CCDC30: variants seen among roughly 807,000 people sequenced by gnomAD.
The protein encoded by CCDC30 is coiled-coil domain containing 30, also known as coiled-coil domain-containing protein 30.
A neutral mutation model predicts 100.2 loss-of-function variants in CCDC30; 70 were observed. That is an observed-to-expected ratio of 0.70 (90% confidence interval 0.58 to 0.85). CCDC30 has a LOEUF of 0.85. CCDC30 is among the 40% of genes least tolerant of loss of function. The pLI, the probability that CCDC30 is intolerant of heterozygous loss-of-function variation, is 0.00. For missense variants in CCDC30, 652 were observed against 771.2 expected (o/e 0.85, Z 1.83); for synonymous variants, 233 against 269.5 (o/e 0.86, Z 1.33).
chr1:42,568,042 TCCTTTG>T (rs1476713554), intron 7 of CCDC30, among the ~76,000 whole-genome samples: 1 of 152,178 alleles, frequency 6.6e-6, no homozygotes, highest in African/African-American at 2.4e-5. Flanking sequence ...CTTGATTAGC[TCCTTTG>T]GCCAGGCACC....
chr1:42,653,318 C>G lies in CCDC30; in HGVS notation c.1855-58C>G. The G allele has an allele frequency of 3.1e-6, 3 of 973,538 alleles. No homozygotes were observed. In the South Asian group the frequency reaches 4.5e-5, roughly 15 times the overall value. The allele number at this position is 973,538 out of a possible 1,614,324, so 60.3% of individuals were successfully genotyped here. ...TTATATATATATTTTTTTCTAGGAT[C>G]ATATAGCTAATGGTTTATCATTATA... is the stretch of plus-strand genomic sequence containing the variant. On this transcript the variant is annotated intron_variant, in intron 15 of 16. Coordinates refer to ENST00000668663, the Ensembl canonical transcript of CCDC30.
chr1:42,458,849 T>C (rs902497116), upstream of CCDC30, among the ~76,000 whole-genome samples: 1 of 152,226 alleles, frequency 6.6e-6, no homozygotes, highest in Admixed American at 6.5e-5. Context: ...CACTGCTAAG[T>C]TGTGTTACAT....
At chr1:42,456,631 T>C in the CCDC30 span, 3 of 1,562,958 alleles carry the variant, frequency 1.9e-6, no homozygotes, top group African/African-American at 1.4e-5. Flanking sequence ...GGGCTGAGGT[T>C]ATGGCTCGCT....
In CCDC30 at chr1:42,470,184, C is replaced by G. The variant is rs866953123; in HGVS notation, c.-92+6286C>G. 2.6e-5 allele frequency among the ~76,000 whole-genome samples: 4 copies of G among 152,142 alleles called. No homozygotes were observed. In the Middle Eastern group the frequency reaches 0.01, roughly 388 times the overall value. On this transcript the variant is annotated intron_variant, in intron 1 of 16. Transcript: ENST00000668663. ...GCAAACAAGTGAAGCCAAAGAGTATCTGGTAGTTTGAGAGAGGATGTAATG... is the reference window on the plus strand; with the variant it reads ...GCAAACAAGTGAAGCCAAAGAGTATGTGGTAGTTTGAGAGAGGATGTAATG...
intron 2 of CCDC30, among the ~76,000 whole-genome samples, chr1:42,482,437 A>G (rs1373006946): frequency 6.6e-6 from 1 of 152,124 alleles, no homozygotes; most frequent in Admixed American, 6.6e-5. Flanking sequence ...ATGAAACCAA[A>G]TATTTATAAG....
chr1:42,522,034 A>T (rs1382539495), intron 6 of CCDC30, among the ~76,000 whole-genome samples: 11 of 152,080 alleles, frequency 7.2e-5, no homozygotes, highest in Non-Finnish European at 1.5e-4. Flanking sequence ...CAAGGCCTTT[A>T]TATAAAATGG....
intron 11 of CCDC30, among the ~76,000 whole-genome samples, chr1:42,629,861 G>T (rs1416148880): frequency 6.6e-6 from 1 of 151,900 alleles, no homozygotes; most frequent in African/African-American, 2.4e-5. Context: ...TGATCCGTCG[G>T]CCTCAGCCTC....
chr1:42,633,779 T>C (rs527660875), intron 11 of CCDC30, among the ~76,000 whole-genome samples: 141 of 152,210 alleles, frequency 9.3e-4, no homozygotes, highest in African/African-American at 3.3e-3. Flanking sequence ...CTGAGCATAG[T>C]TGTATTAGTC....
chr1:42,610,600 T>C (rs1007005258), intron 10 of CCDC30, among the ~76,000 whole-genome samples: 6 of 152,088 alleles, frequency 3.9e-5, no homozygotes, highest in Non-Finnish European at 8.8e-5. Flanking sequence ...ATTTTTATAT[T>C]TTTTTGTAGA....
chr1:42,474,941 CT>C (rs1643866560), intron 1 of CCDC30, among the ~76,000 whole-genome samples: 1 of 152,198 alleles, frequency 6.6e-6, no homozygotes, highest in Non-Finnish European at 1.5e-5. Flanking sequence ...ATGTAATCTC[CT>C]GTTAACATTT....
chr1:42,485,758 A>T (rs1427190266), intron 3 of CCDC30, among the ~76,000 whole-genome samples: 2 of 152,202 alleles, frequency 1.3e-5, no homozygotes, highest in Non-Finnish European at 2.9e-5. Flanking sequence ...ATAAAAATTG[A>T]TAAGTATGTG....
In CCDC30 at chr1:42,532,190, G is replaced by T. The variant is rs184671896; in HGVS notation, c.456+33274G>T. Among the ~76,000 whole-genome samples, 5 of 152,258 alleles carry T rather than the reference G, an allele frequency of 3.3e-5. No homozygotes were observed. In the East Asian group the frequency reaches 9.6e-4, roughly 29 times the overall value. Reference sequence around the variant, plus strand: ...CGTAGTTTCCAAACTGTGTTCCAGGGATCTTTGATGTTTCATAAATAGAAA... The same window carrying T: ...CGTAGTTTCCAAACTGTGTTCCAGGTATCTTTGATGTTTCATAAATAGAAA... On this transcript the variant is annotated intron_variant, in intron 6 of 16. Transcript: ENST00000668663.
chr1:42,456,595 C>T, the CCDC30 span: 5 of 1,507,428 alleles, frequency 3.3e-6, no homozygotes, highest in Non-Finnish European at 3.5e-6. Context: ...TAGCCGAGTT[C>T]CCCCAGCCTC....
intron 6 of CCDC30, among the ~76,000 whole-genome samples, chr1:42,524,013 A>G (rs1310094040): frequency 6.6e-6 from 1 of 151,862 alleles, no homozygotes; most frequent in Non-Finnish European, 1.5e-5. Context: ...CCATGTGTCC[A>G]TAAGCTTCCT....
chr1:42,529,587 T>G (rs1644776355), intron 6 of CCDC30: 1 of 152,246 alleles, frequency 6.6e-6, no homozygotes, highest in Non-Finnish European at 1.5e-5. Flanking sequence ...AGTTCTCTCT[T>G]AATCTTTCAT....
At chr1:42,550,404 A>G (rs1025162498) in intron 6 of CCDC30, among the ~76,000 whole-genome samples, 3 of 152,058 alleles carry the variant, frequency 2.0e-5, no homozygotes, top group Non-Finnish European at 4.4e-5. Flanking sequence ...AACCCTCTCC[A>G]TGGCTTCCTA....
chr1:42,548,873 A>G (rs74734474), intron 6 of CCDC30, among the ~76,000 whole-genome samples: 1 of 152,134 alleles, frequency 6.6e-6, no homozygotes, highest in Non-Finnish European at 1.5e-5. Context: ...TAGCATGGGC[A>G]CATGCACACA....
At chr1:42,544,649 G>A (rs1645086107) in intron 6 of CCDC30, among the ~76,000 whole-genome samples, 1 of 151,982 alleles carries the variant, frequency 6.6e-6, no homozygotes, top group South Asian at 2.1e-4. Context: ...TGAGTAGCTG[G>A]GCCTACAGGT....
At chr1:42,645,298 G>A (rs754793854) in intron 14 of CCDC30, among the ~76,000 whole-genome samples, 6 of 152,012 alleles carry the variant, frequency 3.9e-5, no homozygotes, top group Non-Finnish European at 7.4e-5. Context: ...CTGAGACTCA[G>A]TTAAGTAAAG....
Sources: gnomAD v4.1 joint callset for allele counts (sites outside exome capture counted in the v4.1 genomes callset) on GRCh38, gnomAD v4.1.1 for gene constraint, MANE v1.5 for transcripts, NCBI Gene and HGNC (gene_info 2026-07-23, HGNC 2026-07-21) for gene names.